Variants in DOCK8 observed in about 807,000 individuals in gnomAD.
The protein encoded by DOCK8 is dedicator of cytokinesis 8.
In DOCK8, 141 loss-of-function variants were observed where a neutral mutation model predicts 245.6. The ratio of observed to expected loss-of-function variants is 0.57; its 90% CI spans 0.50 to 0.66. DOCK8 has a LOEUF of 0.66. DOCK8 is among the 30% of genes least tolerant of loss of function. The pLI, the probability that DOCK8 is intolerant of heterozygous loss-of-function variation, is 0.00. For missense variants in DOCK8, 2,965 were observed against 2,603.4 expected (o/e 1.14, Z -3.02); for synonymous variants, 1,168 against 970.2 (o/e 1.20, Z -3.79).
chr9:216,624 G>C (rs1420988702), intron 1 of DOCK8, among the ~76,000 whole-genome samples: 4 of 151,576 alleles, frequency 2.6e-5, no homozygotes, highest in African/African-American at 9.7e-5. Flanking sequence ...AAGGTTCATA[G>C]CTGTTGCATG....
chr9:277,904 A>G (rs138475493), intron 2 of DOCK8, among the ~76,000 whole-genome samples: 1 of 152,354 alleles, frequency 6.6e-6, no homozygotes, highest in African/African-American at 2.4e-5. Flanking sequence ...TGTGCAATAA[A>G]GCAGCCTTTT....
intron 11 of DOCK8, among the ~76,000 whole-genome samples, chr9:334,927 C>CA (rs764707131): frequency 2.0e-5 from 3 of 151,968 alleles, no homozygotes; most frequent in African/African-American, 4.8e-5. Context: ...ACTAAAAATA[C>CA]AAAAAATTTG....
chr9:216,196 T>C (rs1423234362), intron 1 of DOCK8, among the ~76,000 whole-genome samples: 3 of 152,114 alleles, frequency 2.0e-5, no homozygotes, highest in Non-Finnish European at 4.4e-5. Context: ...TATTTATGTA[T>C]ATTGCATATT....
intron 23 of DOCK8, among the ~76,000 whole-genome samples, chr9:389,143 T>C (rs1382407151): frequency 6.6e-6 from 1 of 151,964 alleles, no homozygotes; most frequent in East Asian, 1.9e-4. Context: ...ACTGAGGGAG[T>C]CCCCAAGATG....
intron 23 of DOCK8, among the ~76,000 whole-genome samples, chr9:389,221 A>G (rs912910227): frequency 6.6e-6 from 1 of 152,198 alleles, no homozygotes; most frequent in African/African-American, 2.4e-5. Flanking sequence ...CCCTACCTTT[A>G]GTCTTGAACT....
intron 4 of DOCK8, among the ~76,000 whole-genome samples, chr9:301,607 C>T (rs929604964): frequency 4.6e-5 from 7 of 152,194 alleles, no homozygotes; most frequent in African/African-American, 1.7e-4. Flanking sequence ...ACACTGCAGA[C>T]CCTGCTAAAA....
intron 1 of DOCK8, among the ~76,000 whole-genome samples, chr9:255,121 A>C (rs769280612): frequency 2.9e-4 from 44 of 152,188 alleles, no homozygotes; most frequent in Non-Finnish European, 6.2e-4. Context: ...TCTCTAAAAA[A>C]AGAAAAAGAA....
chr9:341,567 C>T (rs1305505354), intron 14 of DOCK8, among the ~76,000 whole-genome samples: 2 of 152,172 alleles, frequency 1.3e-5, no homozygotes. Flanking sequence ...ACCTCACCTC[C>T]TAGACTTTTA....
At position 420,412 on chromosome 9, in the gene DOCK8, G is replaced by C; in HGVS notation, c.3852G>C (p.Gln1284His). The C allele has an allele frequency of 1.2e-6, 2 of 1,614,128 alleles. No individual in the cohort carries two copies. The highest frequency in any genetic ancestry group is 1.7e-6 in the Non-Finnish European group (2 of 1,180,030). Reference sequence around the variant, plus strand: ...CTGCCTCCCTTCAGCCCTATAAGCAGTACAACATGCTGAACGCGGACACTA... The same window carrying C: ...CTGCCTCCCTTCAGCCCTATAAGCACTACAACATGCTGAACGCGGACACTA... ...GIVLSSLPYK[Q>H]YNMLNADTTR... The change falls in exon 31 of 48, where the codon CAG becomes CAC. Residue 1284 changes from glutamine to histidine, a missense_variant. This residue lies in a region of DOCK8 where 2,825 missense variants were observed against 2,453.5 expected (regional missense o/e 1.15). Transcript: ENST00000432829.
At chr9:218,794 A>C (rs190376796) in intron 1 of DOCK8, among the ~76,000 whole-genome samples, 18 of 152,372 alleles carry the variant, frequency 1.2e-4, no homozygotes, top group African/African-American at 4.1e-4. Flanking sequence ...TCTTGTGGAC[A>C]GTCAGGATTG....
In DOCK8 at chr9:298,915, C is replaced by T. The variant is rs550450236; in HGVS notation, c.405-5666C>T. On this transcript the variant is annotated intron_variant, in intron 4 of 47. Coordinates refer to ENST00000432829, the MANE Select transcript of DOCK8 (RefSeq NM_203447.4). ...CAAGTCCTTAAAAAAAAAAAAAAGGCAAAGGGCAAATACTAATGTGGGAAA... is the reference window on the plus strand; with the variant it reads ...CAAGTCCTTAAAAAAAAAAAAAAGGTAAAGGGCAAATACTAATGTGGGAAA... Among the ~76,000 whole-genome samples the T allele has an allele frequency of 6.9e-5, 10 of 145,832 alleles. No individual in the cohort carries two copies. The East Asian group carries it at 2.0e-3, about 29-fold the overall frequency.
chr9:238,890 G>C (rs533927974), intron 1 of DOCK8, among the ~76,000 whole-genome samples: 3 of 152,284 alleles, frequency 2.0e-5, no homozygotes, highest in African/African-American at 7.2e-5. Flanking sequence ...CAGCCGTCCA[G>C]GGCCAAGTTT....
chr9:385,676 CT>C (rs1285109945), intron 22 of DOCK8, among the ~76,000 whole-genome samples: 4 of 152,180 alleles, frequency 2.6e-5, no homozygotes, highest in African/African-American at 7.2e-5. Context: ...CCCTACCCCC[CT>C]GACAACTGGT....
intron 1 of DOCK8, among the ~76,000 whole-genome samples, chr9:229,039 T>C (rs917086415): frequency 1.3e-5 from 2 of 152,172 alleles, no homozygotes; most frequent in Admixed American, 6.6e-5. Context: ...CTGCAAGGCT[T>C]CTTGAGGCTT....
intron 10 of DOCK8, among the ~76,000 whole-genome samples, chr9:333,527 G>A (rs1268262312): frequency 6.6e-6 from 1 of 152,046 alleles, no homozygotes; most frequent in Non-Finnish European, 1.5e-5. Context: ...CTTGAACCTG[G>A]GAGGCGGAGG....
chr9:335,373 G>A (rs2051261205), intron 11 of DOCK8, among the ~76,000 whole-genome samples: 1 of 152,102 alleles, frequency 6.6e-6, no homozygotes, highest in South Asian at 2.1e-4. Flanking sequence ...AAATATAGAA[G>A]TCCATGTTCA....
At position 340,302 on chromosome 9, in the gene DOCK8, G is replaced by A; in HGVS notation, c.1660G>A (p.Val554Ile). The A allele has an allele frequency of 6.2e-7, 1 of 1,614,110 alleles. No individual in the cohort carries two copies. Among genetic ancestry groups the A allele is most frequent in the Non-Finnish European group, 8.5e-7 (1 of 1,179,998 alleles). ...GGAATTTCCAACACGAGAAGTATAT[G>A]TCCCTCACACTGTGTACAGGTAAGA... ...ILEFPTREVYVPHTVYRNLLY... is the reference protein window; with the variant it reads ...ILEFPTREVYIPHTVYRNLLY... The change falls in exon 14 of 48, where the codon GTC becomes ATC. Residue 554 changes from valine to isoleucine, a missense_variant. Around this residue, in one of 3 missense-constraint regions of DOCK8, gnomAD observed 2,825 missense variants for 2,453.5 expected, o/e 1.15. Coordinates refer to ENST00000432829, the MANE Select transcript of DOCK8 (RefSeq NM_203447.4).
At chr9:456,950 T>A (rs2057661476) in intron 46 of DOCK8, 1 of 152,332 alleles carries the variant, frequency 6.6e-6, no homozygotes, top group South Asian at 2.1e-4. Flanking sequence ...AGAGAAGTAG[T>A]TTCAGATACA....
intron 4 of DOCK8, among the ~76,000 whole-genome samples, chr9:296,154 A>G (rs2049252485): frequency 6.6e-6 from 1 of 152,106 alleles, no homozygotes; most frequent in African/African-American, 2.4e-5. Flanking sequence ...GACTTTTGAA[A>G]ATGATTACTG....
Sources: gnomAD v4.1 joint callset for allele counts (sites outside exome capture counted in the v4.1 genomes callset) on GRCh38, gnomAD v4.1.1 for gene constraint, gnomAD v4.1.1 regional missense constraint, MANE v1.5 for transcripts, NCBI Gene and HGNC (gene_info 2026-07-23, HGNC 2026-07-21) for gene names.